Variants in VWA5A observed in about 807,000 individuals in gnomAD.
VWA5A encodes von Willebrand factor A domain-containing protein 5A.
Under a neutral mutation model 84.6 loss-of-function variants are expected in VWA5A, and 77 were observed. The observed-to-expected ratio is 0.91, with a 90% CI of 0.76 to 1.10. VWA5A has a LOEUF of 1.10. Among genes scored for constraint, VWA5A ranks in the 50% least tolerant of loss-of-function variants. The pLI, the probability that VWA5A is intolerant of heterozygous loss-of-function variation, is 0.00. For synonymous variants in VWA5A, 334 were observed against 350.1 expected (o/e 0.95, Z 0.51); for missense variants, 973 against 963.0 (o/e 1.01, Z -0.14).
At chr11:124,142,718 T>C in intron 17 of VWA5A, 146 bp downstream of exon 17, 4 of 1,111,018 alleles carry the variant, frequency 3.6e-6, no homozygotes, top group Non-Finnish European at 5.0e-6. Context: ...GCTGAAGGTT[T>C]TTCCAGTCAT....
At position 124,146,808 on chromosome 11, in the gene VWA5A, T is replaced by A. The variant is rs1224811032; in HGVS notation, c.*863T>A. ...CCCGTAATCGTTCCTGACCCTTGTG[T>A]CTCATATACCCTATCCTGGTGGAAA... is the stretch of plus-strand genomic sequence containing the variant. On this transcript the variant is annotated 3_prime_UTR_variant, in exon 19 of 19. Coordinates refer to ENST00000456829, the MANE Select transcript of VWA5A (RefSeq NM_001130142.2). 6.5e-6 allele frequency: 1 copy of A among 153,268 alleles called. No homozygotes were observed. The highest frequency in any genetic ancestry group is 1.9e-4 in the East Asian group (1 of 5,176). The allele number at this position is 153,268 out of a possible 1,614,324, so 9.5% of individuals were successfully genotyped here.
chr11:124,135,556 A>C (rs370139837), intron 12 of VWA5A, among the ~76,000 whole-genome samples: 9 of 96,252 alleles, frequency 9.4e-5, no homozygotes, highest in African/African-American at 3.9e-4. Flanking sequence ...TCTGAGACGG[A>C]GTCTCGCTCT....
intron 18 of VWA5A, 80 bp from the exon 19 acceptor site, chr11:124,145,786 C>A: frequency 1.4e-6 from 2 of 1,403,508 alleles, no homozygotes; most frequent in Non-Finnish European, 9.7e-7. Context: ...AAGCACAACT[C>A]AGGGTAGATG....
Position 124,118,955 on chromosome 11 carries a change from T to C in VWA5A, c.646-20T>C, listed in dbSNP as rs1864887020. ...GAAGTTATGATTCTAATGTGGCTCCTTTACCTGTCCTCCACTCAGGTTTCC... is the reference window on the plus strand; with the variant it reads ...GAAGTTATGATTCTAATGTGGCTCCCTTACCTGTCCTCCACTCAGGTTTCC... On this transcript the variant is annotated intron_variant, in intron 6 of 18. Transcript: ENST00000456829. The C allele has an allele frequency of 2.5e-6, 4 of 1,610,528 alleles. No homozygotes were observed. The highest frequency in any genetic ancestry group is 1.1e-5 in the South Asian group (1 of 90,666).
Position 124,147,578 on chromosome 11 carries a change from CA to C in VWA5A, c.*1634del, listed in dbSNP as rs1453290618. On this transcript the variant is annotated 3_prime_UTR_variant, in exon 19 of 19. Transcript: ENST00000456829. ...CTGCGGAACAGGGTTGTTAGAAATG[CA>C]GCTTTTTAGAAATGCAGAATTTTAA... The C allele has an allele frequency of 6.6e-6, 1 of 152,170 alleles. No homozygotes were observed. Among genetic ancestry groups the C allele is most frequent in the African/African-American group, 2.4e-5 (1 of 41,442 alleles). The allele number at this position is 152,170 out of a possible 1,614,324, so 9.4% of individuals were successfully genotyped here.
At chr11:124,141,369 G>T (rs1394430434) in intron 15 of VWA5A, among the ~76,000 whole-genome samples, 2 of 152,140 alleles carry the variant, frequency 1.3e-5, no homozygotes, top group Non-Finnish European at 2.9e-5. Context: ...AACTAAAGAT[G>T]CAGGAAAAAT....
chr11:124,132,685 T>TA (rs1865114308), intron 11 of VWA5A, among the ~76,000 whole-genome samples: 1 of 152,164 alleles, frequency 6.6e-6, no homozygotes, highest in Non-Finnish European at 1.5e-5. Context: ...TAATAATAAT[T>TA]TCAAAACACC....
At chr11:124,144,682 A>G (rs1012119345) in intron 17 of VWA5A, among the ~76,000 whole-genome samples, 2 of 152,224 alleles carry the variant, frequency 1.3e-5, no homozygotes, top group Admixed American at 1.3e-4. Flanking sequence ...CATGGGAGAC[A>G]ATTTTCTGCT....
chr11:124,128,720 A>G (rs1865055013), intron 11 of VWA5A, among the ~76,000 whole-genome samples: 1 of 152,164 alleles, frequency 6.6e-6, no homozygotes, highest in Non-Finnish European at 1.5e-5. Flanking sequence ...TTGTATTCAT[A>G]GGTATTTCAT....
chr11:124,137,009 T>G lies in VWA5A; in HGVS notation c.1626-6T>G. 1 of 1,610,166 alleles carries G rather than the reference T, an allele frequency of 6.2e-7. No homozygotes were observed. The highest frequency in any genetic ancestry group is 1.1e-5 in the South Asian group (1 of 90,482). ...CATTTCAGTACTTTTTTTTTTTTCC[T>G]TTCAGCCTCACCATTCACCGCCTTG... On this transcript the variant is annotated splice_polypyrimidine_tract_variant and splice_region_variant and intron_variant, in intron 14 of 18. Coordinates refer to ENST00000456829, the MANE Select transcript of VWA5A (RefSeq NM_001130142.2).
Position 124,141,683 on chromosome 11 carries a change from C to G in VWA5A, c.1965C>G (p.Phe655Leu). 6.2e-7 allele frequency: 1 copy of G among 1,614,106 alleles called. No homozygotes were observed. Among genetic ancestry groups the G allele is most frequent in the African/African-American group, 1.3e-5 (1 of 75,000 alleles). The change falls in exon 16 of 19, where the codon TTC (phenylalanine) becomes TTG (leucine). Residue 655 changes from phenylalanine (F) to leucine (L), a missense_variant. Coordinates refer to ENST00000456829, the MANE Select transcript of VWA5A (RefSeq NM_001130142.2). ...TTATGTGTTATAAGGCCAAGACATTCCAGATGGACGATTACAGTCTCTGTG... is the reference window on the plus strand; with the variant it reads ...TTATGTGTTATAAGGCCAAGACATTGCAGATGGACGATTACAGTCTCTGTG... Reference protein sequence around the residue: ...GELMCYKAKTFQMDDYSLCGL... With the variant: ...GELMCYKAKTLQMDDYSLCGL...
chr11:124,136,199 C>G lies in VWA5A; in HGVS notation c.1430C>G (p.Pro477Arg). ...EDVSLSWHLPPGLSAKMLSPE... is the reference protein window; with the variant it reads ...EDVSLSWHLPRGLSAKMLSPE... Reference sequence around the variant, plus strand: ...GTCTCTCTGAGCTGGCATTTGCCTCCTGGTCTGTCTGCTAAAATGCTTTCC... The same window carrying G: ...GTCTCTCTGAGCTGGCATTTGCCTCGTGGTCTGTCTGCTAAAATGCTTTCC... The change falls in exon 13 of 19, where the codon CCT (proline) becomes CGT (arginine). Residue 477 changes from proline to arginine, a missense_variant. Physicochemically the swap from Pro to Arg is moderately radical, Grantham distance 103. Coordinates refer to ENST00000456829, the MANE Select transcript of VWA5A (RefSeq NM_001130142.2). The G allele has an allele frequency of 6.2e-7, 1 of 1,614,190 alleles. No homozygotes were observed. The highest frequency in any genetic ancestry group is 8.5e-7 in the Non-Finnish European group (1 of 1,180,034).
chr11:124,124,666 C>A, intron 11 of VWA5A: 2 of 674,094 alleles, frequency 3.0e-6, no homozygotes, highest in Non-Finnish European at 3.7e-6. Context: ...ACAGTGAATG[C>A]ACTGTGTGAT....
At chr11:124,118,090 A>C (rs1404178616) in intron 4 of VWA5A, 99 bp from the exon 5 acceptor site, 1 of 1,347,494 alleles carries the variant, frequency 7.4e-7, no homozygotes, top group African/African-American at 1.5e-5. Flanking sequence ...TGATTAGACA[A>C]GACCAATCAC....
intron 9 of VWA5A, 87 bp from the exon 10 acceptor site, chr11:124,123,573 T>C: frequency 6.2e-7 from 1 of 1,611,510 alleles, no homozygotes; most frequent in Admixed American, 1.7e-5. Flanking sequence ...TAAGACTCTC[T>C]TTTAATGGGG....
intron 11 of VWA5A, 68 bp from the exon 12 acceptor site, chr11:124,134,852 T>G: frequency 2.5e-6 from 3 of 1,214,244 alleles, no homozygotes; most frequent in African/African-American, 1.5e-5. Flanking sequence ...TTTTTGGCCA[T>G]TATGTATTAA....
intron 11 of VWA5A, among the ~76,000 whole-genome samples, chr11:124,129,846 T>C (rs1865072298): frequency 6.6e-6 from 1 of 152,216 alleles, no homozygotes; most frequent in Admixed American, 6.5e-5. Flanking sequence ...TTATCACTTT[T>C]ATTGTGTCTA....
rs572538734 is a variant in VWA5A at position 124,147,001 on chromosome 11, A to C, written c.*1056A>C. The C allele has an allele frequency of 6.0e-6, 1 of 166,838 alleles. No individual in the cohort carries two copies. Among genetic ancestry groups the C allele is most frequent in the African/African-American group, 2.4e-5 (1 of 41,454 alleles). The allele number at this position is 166,838 out of a possible 1,614,324, so 10.3% of individuals were successfully genotyped here. On this transcript the variant is annotated 3_prime_UTR_variant, in exon 19 of 19. Transcript: ENST00000456829. ...GAAGCCAAACTAGGATAGTAAATTG[A>C]CCGGAACACAGTTGTGGAAATTTGA...
intron 15 of VWA5A, among the ~76,000 whole-genome samples, chr11:124,138,542 ATGC>A (rs1469481273): frequency 6.6e-6 from 1 of 152,160 alleles, no homozygotes; most frequent in Non-Finnish European, 1.5e-5. Context: ...ATGATTGGTA[ATGC>A]TGAACATTTT....
Sources: allele counts gnomAD v4.1 joint callset (sites outside exome capture counted in the v4.1 genomes callset), GRCh38; gene constraint gnomAD v4.1.1; transcripts MANE v1.5; gene names NCBI Gene and HGNC (gene_info 2026-07-23, HGNC 2026-07-21).